TF: variants seen among roughly 807,000 people sequenced by gnomAD.
TF encodes the protein serotransferrin.
A neutral mutation model predicts 82.4 loss-of-function variants in TF; 55 were observed. The ratio of observed to expected loss-of-function variants is 0.67; its 90% confidence interval spans 0.54 to 0.84. TF has a LOEUF of 0.84. Among genes scored for constraint, TF ranks in the 40% least tolerant of loss-of-function variants. TF has a pLI of 0.00. For synonymous variants in TF, 332 were observed against 332.6 expected, an observed-to-expected ratio of 1.00 and a Z score of 0.02; for missense variants, 737 against 868.4, an observed-to-expected ratio of 0.85 and a Z score of 1.90.
chr3:133,748,318 AG>A, intron 1 of TF, 93 bp from the exon 2 acceptor site: 1 of 1,450,508 alleles, frequency 6.9e-7, no homozygotes, highest in Non-Finnish European at 9.6e-7. Flanking sequence ...GACAGGACTG[AG>A]GGGATGTGGC....
chr3:133,670,754 A>G, the TF span, among the ~76,000 whole-genome samples: 896 of 152,348 alleles, frequency 5.9e-3, 1 homozygote, highest in Non-Finnish European at 9.1e-3. Flanking sequence ...AATGTTGGAC[A>G]AGAAAAAAGT....
At position 133,789,099 on chromosome 3, in the gene TF, A is replaced by G. The variant is rs1197577045; in HGVS notation, c.*10479A>G. ...CCTGACACTCTTAAGACTGGACCCC[A>G]AAGGGGGATTCCCCAGGGGATCCTC... On this transcript the variant is annotated 3_prime_UTR_variant, in exon 17 of 17. Transcript: ENST00000402696. 2 of 152,446 alleles carry G rather than the reference A, an allele frequency of 1.3e-5. No individual in the cohort carries two copies. Among genetic ancestry groups the G allele is most frequent in the African/African-American group, 4.8e-5 (2 of 41,594 alleles). The allele number at this position is 152,446 out of a possible 1,614,324, so 9.4% of individuals were successfully genotyped here.
At chr3:133,712,342 C>T in the TF span, among the ~76,000 whole-genome samples, 1 of 152,086 alleles carries the variant, frequency 6.6e-6, no homozygotes, top group Non-Finnish European at 1.5e-5. Context: ...ACATGTGCTC[C>T]GGGTTCTGCG....
rs565894095 is a variant in TF, at chr3:133,762,216, G to A, written c.1204-1966G>A. ...GAAGAATCTCCCAGTAATAGATGAC[G>A]TTTGTGCATTTGCAAACAGTTAATT... On this transcript the variant is annotated intron_variant, in intron 9 of 16. Coordinates refer to ENST00000402696, the MANE Select transcript of TF (RefSeq NM_001063.4). The A allele has an allele frequency of 3.8e-5, 8 of 210,916 alleles. 1 individual carries two copies. Among genetic ancestry groups the A allele is most frequent in the East Asian group, 1.1e-4 (1 of 8,848 alleles). The allele number at this position is 210,916 out of a possible 1,614,324, so 13.1% of individuals were successfully genotyped here. A position where few individuals can be genotyped will look rare whatever the true frequency, so the allele number is the denominator to read the frequency against.
rs1934934500 is a variant in TF at position 133,795,163 on chromosome 3, C to T, written c.*16543C>T. On this transcript the variant is annotated 3_prime_UTR_variant, in exon 17 of 17. Coordinates refer to ENST00000402696, the MANE Select transcript of TF (RefSeq NM_001063.4). ...AGGTATTATAGAGATTCAGTTGTAG[C>T]AAATTAATGAAGAGACTGCTTAGTT... 1 of 152,196 alleles carries T rather than the reference C, an allele frequency of 6.6e-6. No homozygotes were observed. The highest frequency in any genetic ancestry group is 1.5e-5 in the Non-Finnish European group (1 of 68,042). The allele number at this position is 152,196 out of a possible 1,614,324, so 9.4% of individuals were successfully genotyped here.
At chr3:133,768,186 C>T in intron 13 of TF, 22 bp downstream of exon 13, 2 of 1,613,948 alleles carry the variant, frequency 1.2e-6, no homozygotes, top group Non-Finnish European at 1.7e-6. Context: ...AACCCTGAAA[C>T]AAATAGAATA....
chr3:133,683,523 G>A, the TF span, among the ~76,000 whole-genome samples: 4,576 of 151,308 alleles, frequency 0.03, 118 homozygotes, highest in African/African-American at 0.073. Flanking sequence ...AAGCAAATGG[G>A]AAACAAAAAA....
chr3:133,767,962 A>C, intron 12 of TF, 67 bp from the exon 13 acceptor site: 1 of 1,595,628 alleles, frequency 6.3e-7, no homozygotes, highest in South Asian at 1.1e-5. Flanking sequence ...CAGCCCTGTT[A>C]TCTCTTAAAT....
At chr3:133,699,826 G>A in the TF span, 1 of 215,418 alleles carries the variant, frequency 4.6e-6, no homozygotes, top group Admixed American at 5.1e-5. Context: ...AACCTCATCT[G>A]GAACCACGAA....
At chr3:133,668,476 T>A in the TF span, among the ~76,000 whole-genome samples, 1 of 152,116 alleles carries the variant, frequency 6.6e-6, no homozygotes, top group Non-Finnish European at 1.5e-5. Context: ...TCAAAATTGA[T>A]ACTGACCAAT....
At chr3:133,702,628 T>C in the TF span, among the ~76,000 whole-genome samples, 8 of 151,360 alleles carry the variant, frequency 5.3e-5, no homozygotes, top group African/African-American at 1.7e-4. Context: ...AGTGACGAAG[T>C]TGTGAATGAT....
intron 2 of TF, among the ~76,000 whole-genome samples, chr3:133,752,009 A>G (rs545554685): frequency 6.6e-6 from 1 of 152,168 alleles, no homozygotes; most frequent in Non-Finnish European, 1.5e-5. Flanking sequence ...TTGTCTTACA[A>G]CATATTTTAT....
the TF span, among the ~76,000 whole-genome samples, chr3:133,677,076 G>A: frequency 6.6e-6 from 1 of 152,256 alleles, no homozygotes. Flanking sequence ...GGTATGCCCT[G>A]TAAGAGCCAG....
chr3:133,751,375 GGC>G (rs1178791648), intron 2 of TF, among the ~76,000 whole-genome samples: 1 of 151,806 alleles, frequency 6.6e-6, no homozygotes, highest in Non-Finnish European at 1.5e-5. Context: ...TGGGACTACA[GGC>G]GCGCGCCACC....
At chr3:133,693,521 G>A in the TF span, among the ~76,000 whole-genome samples, 4 of 152,196 alleles carry the variant, frequency 2.6e-5, no homozygotes, top group Admixed American at 2.6e-4. Context: ...AGGGACAAGT[G>A]ACTGCAGGGA....
At chr3:133,681,568 C>T in the TF span, among the ~76,000 whole-genome samples, 1 of 152,226 alleles carries the variant, frequency 6.6e-6, no homozygotes, top group Non-Finnish European at 1.5e-5. Flanking sequence ...ACACATGGCT[C>T]AGAGGGTCCT....
rs1934926032 is a variant in TF, at chr3:133,794,784, C to A, written c.*16164C>A. 2 of 152,194 alleles carry A rather than the reference C, an allele frequency of 1.3e-5. No individual in the cohort carries two copies. Among genetic ancestry groups the A allele is most frequent in the African/African-American group, 4.8e-5 (2 of 41,446 alleles). 9.4% of individuals were successfully genotyped at this position (152,194 alleles called of 1,614,324 possible). A position where few individuals can be genotyped will look rare whatever the true frequency, so the allele number is the denominator to read the frequency against. The stretch of plus-strand genomic sequence containing the variant: ...CATCCTTGATGTGAACAGCTTTTCC[C>A]AAGATCATGAATCAAGACTTCTCTA... On this transcript the variant is annotated 3_prime_UTR_variant, in exon 17 of 17. Coordinates refer to ENST00000402696, the MANE Select transcript of TF (RefSeq NM_001063.4).
In TF at chr3:133,781,264, C is replaced by T. The variant is rs934369518; in HGVS notation, c.*2644C>T. On this transcript the variant is annotated 3_prime_UTR_variant, in exon 17 of 17. Coordinates refer to ENST00000402696, the MANE Select transcript of TF (RefSeq NM_001063.4). ...CTGGGAGGCAGAAGTTGTGGTGAGC[C>T]GAGATCGCACCATTGCACTCCAGTC... 3 of 151,816 alleles carry T rather than the reference C, an allele frequency of 2.0e-5. No homozygotes were observed. Among genetic ancestry groups the T allele is most frequent in the Non-Finnish European group, 4.4e-5 (3 of 67,994 alleles). 9.4% of individuals were successfully genotyped at this position (151,816 alleles called of 1,614,324 possible). A position where few individuals can be genotyped will look rare whatever the true frequency, so the allele number is the denominator to read the frequency against.
At chr3:133,740,620 C>T in the TF span, among the ~76,000 whole-genome samples, 37 of 152,236 alleles carry the variant, frequency 2.4e-4, no homozygotes, top group African/African-American at 8.9e-4. Flanking sequence ...CATGAGCCAC[C>T]GTGCCCAGCC....
Sources: allele counts gnomAD v4.1 joint callset (sites outside exome capture counted in the v4.1 genomes callset), GRCh38; gene constraint gnomAD v4.1.1; transcripts MANE v1.5; gene names NCBI Gene and HGNC (gene_info 2026-07-23, HGNC 2026-07-21).